SLC6A11: variants seen among roughly 807,000 people sequenced by gnomAD.
The protein encoded by SLC6A11 is sodium- and chloride-dependent GABA transporter 3.
SLC6A11 carries 25 observed loss-of-function variants against 74.8 expected under a neutral mutation model. The observed-to-expected ratio is 0.33, with a 90% CI of 0.24 to 0.47. The LOEUF (loss-of-function observed/expected upper bound fraction) is 0.47, where lower values mean the gene tolerates loss of function less well. Ranked by LOEUF, SLC6A11 falls within the 20% of genes least tolerant of loss-of-function variation. The pLI, the probability that SLC6A11 is intolerant of heterozygous loss-of-function variation, is 1.00. For synonymous variants in SLC6A11, 330 were observed against 330.2 expected (o/e 1.00, Z 0.01); for missense variants, 574 against 837.0 (o/e 0.69, Z 3.88).
chr3:10,859,093 C>T (rs1694672327), intron 5 of SLC6A11, among the ~76,000 whole-genome samples: 1 of 152,116 alleles, frequency 6.6e-6, no homozygotes, highest in Non-Finnish European at 1.5e-5. Context: ...GATTCTATGA[C>T]CAAGCTTTAT....
In SLC6A11 at chr3:10,816,929, G is replaced by T. The variant is rs939141070; in HGVS notation, c.256+408G>T. Among the ~76,000 whole-genome samples the T allele has an allele frequency of 6.6e-6, 1 of 152,210 alleles. No homozygotes were observed. The highest frequency in any genetic ancestry group is 6.5e-5 in the Admixed American group (1 of 15,284). On this transcript the variant is annotated intron_variant, in intron 1 of 13. Coordinates refer to ENST00000254488, the MANE Select transcript of SLC6A11 (RefSeq NM_014229.3). The surrounding 1 kb of genome is among the most constrained non-coding windows in gnomAD (Gnocchi z 4.2). Reference sequence around the variant, plus strand: ...ATCAAAGTGGTCTCAGTTTTTGCGCGCTTACTGAAGTGCCGAGCACCTTTG... The same window carrying T: ...ATCAAAGTGGTCTCAGTTTTTGCGCTCTTACTGAAGTGCCGAGCACCTTTG...
intron 5 of SLC6A11, among the ~76,000 whole-genome samples, chr3:10,873,998 CTATGCTAT>C (rs1559567301): frequency 9.9e-5 from 15 of 152,050 alleles, no homozygotes; most frequent in Non-Finnish European, 1.6e-4. Context: ...CTACGCTATG[CTATGCTAT>C]GCTATGCTAT....
intron 8 of SLC6A11, among the ~76,000 whole-genome samples, chr3:10,920,356 G>A (rs1038569276): frequency 6.6e-6 from 1 of 152,162 alleles, no homozygotes; most frequent in Non-Finnish European, 1.5e-5. Flanking sequence ...ATCCCGCTAG[G>A]ATTTTTCATA....
At chr3:10,865,488 C>G (rs774357128) in intron 5 of SLC6A11, among the ~76,000 whole-genome samples, 3 of 152,126 alleles carry the variant, frequency 2.0e-5, no homozygotes, top group Non-Finnish European at 4.4e-5. Flanking sequence ...ACGGTGAAAC[C>G]CCGTCTCTAC....
At chr3:10,847,632 G>T (rs1288548771) in intron 5 of SLC6A11, among the ~76,000 whole-genome samples, 1 of 152,186 alleles carries the variant, frequency 6.6e-6, no homozygotes, top group Non-Finnish European at 1.5e-5. Flanking sequence ...CAGGCCAGGA[G>T]TGAGAGCCTG....
intron 10 of SLC6A11, among the ~76,000 whole-genome samples, chr3:10,929,961 G>C (rs1189727029): frequency 6.6e-6 from 1 of 151,998 alleles, no homozygotes; most frequent in Non-Finnish European, 1.5e-5. Context: ...TATGTATCTT[G>C]GGAAGGTAAC....
chr3:10,931,359 T>C (rs1404675269), intron 10 of SLC6A11, among the ~76,000 whole-genome samples: 1 of 152,104 alleles, frequency 6.6e-6, no homozygotes, highest in Non-Finnish European at 1.5e-5. Context: ...TGTTCCTTTG[T>C]AGAGTATGAT....
At chr3:10,912,651 C>G (rs947302439) in intron 7 of SLC6A11, among the ~76,000 whole-genome samples, 1 of 152,250 alleles carries the variant, frequency 6.6e-6, no homozygotes, top group Admixed American at 6.5e-5. Context: ...ACATGTCTCT[C>G]TGGCCTCCTG....
chr3:10,936,044 C>T (rs1404033424), intron 13 of SLC6A11, among the ~76,000 whole-genome samples: 1 of 152,150 alleles, frequency 6.6e-6, no homozygotes, highest in African/African-American at 2.4e-5. Flanking sequence ...CCATCTTACT[C>T]CAGAGCGGCA....
Position 10,816,649 on chromosome 3 carries a change from A to G in SLC6A11, c.256+128A>G. Reference sequence around the variant, plus strand: ...AACCCGAGCGGAGAACCTCGACTCCAGGCACCTCGCGTGTGAGCTCGCCCC... The same window carrying G: ...AACCCGAGCGGAGAACCTCGACTCCGGGCACCTCGCGTGTGAGCTCGCCCC... On this transcript the variant is annotated intron_variant, in intron 1 of 13. Transcript: ENST00000254488. The surrounding 1 kb of genome is among the most constrained non-coding windows in gnomAD (Gnocchi z 4.2). 6.9e-6 allele frequency: 7 copies of G among 1,013,282 alleles called. No homozygotes were observed. Among genetic ancestry groups the G allele is most frequent in the Non-Finnish European group, 6.9e-6 (5 of 727,872 alleles). 62.8% of individuals were successfully genotyped at this position (1,013,282 alleles called of 1,614,324 possible). A position where few individuals can be genotyped will look rare whatever the true frequency, so the allele number is the denominator to read the frequency against.
rs745350953 is a variant in SLC6A11, at chr3:10,938,360, C to T, written c.1857C>T (p.Asp619=). 17 of 1,611,398 alleles carry T rather than the reference C, an allele frequency of 1.1e-5. No individual in the cohort carries two copies. The highest frequency in any genetic ancestry group is 3.3e-4 in the Middle Eastern group (2 of 6,058). Residue 619 remains aspartate, a synonymous_variant, in exon 14 of 14, where the codon GAC becomes GAT. Coordinates refer to ENST00000254488, the MANE Select transcript of SLC6A11 (RefSeq NM_014229.3). ...ACTGTGATGCCAAACTCAAGAGTGA[C>T]GGGACCATCGCAGCCATCACAGAGA... ...VNDCDAKLKS[D]GTIAAITEKE...
intron 6 of SLC6A11, among the ~76,000 whole-genome samples, chr3:10,885,219 C>G (rs909731455): frequency 6.6e-6 from 1 of 152,110 alleles, no homozygotes; most frequent in African/African-American, 2.4e-5. Context: ...TCTTTAAAAT[C>G]TTTTATACTA....
chr3:10,915,112 G>A lies in SLC6A11; in HGVS notation c.995+2919G>A, dbSNP rs751182706. Among the ~76,000 whole-genome samples, 1 of 152,220 alleles carries A rather than the reference G, an allele frequency of 6.6e-6. No individual in the cohort carries two copies. Among genetic ancestry groups the A allele is most frequent in the South Asian group, 2.1e-4 (1 of 4,832 alleles). On this transcript the variant is annotated intron_variant, in intron 7 of 13. Coordinates refer to ENST00000254488, the MANE Select transcript of SLC6A11 (RefSeq NM_014229.3). This position sits in a 1 kb window ranked among gnomAD's most constrained non-coding sequence, Gnocchi z 4.3. ...CTGTTCACATTGCCACAGATGGAGC[G>A]TGGCTTTTCACCTGAGTCTTCCTGG...
In SLC6A11 at chr3:10,816,419, C is replaced by G; in HGVS notation, c.154C>G (p.His52Asp). 6.3e-7 allele frequency: 1 copy of G among 1,599,474 alleles called. No individual in the cohort carries two copies. Among genetic ancestry groups the G allele is most frequent in the Non-Finnish European group, 8.5e-7 (1 of 1,173,724 alleles). The change falls in exon 1 of 14, where the codon CAC (histidine) becomes GAC (aspartate). Residue 52 changes from histidine (H) to aspartate (D), a missense_variant. Around this residue, in one of 4 missense-constraint regions of SLC6A11, gnomAD observed 86 missense variants for 87.4 expected, o/e 0.98. Coordinates refer to ENST00000254488, the MANE Select transcript of SLC6A11 (RefSeq NM_014229.3). This position sits in a 1 kb window ranked among gnomAD's most constrained non-coding sequence, Gnocchi z 4.2. ...CGACAAGGCGGTCCACGAGCGCGGC[C>G]ACTGGAACAACAAGGTGGAGTTCGT... The part of the protein sequence containing the change: ...KRDKAVHERG[H>D]WNNKVEFVLS...
intron 5 of SLC6A11, among the ~76,000 whole-genome samples, chr3:10,869,378 A>T (rs1276321600): frequency 6.6e-6 from 1 of 152,118 alleles, no homozygotes; most frequent in African/African-American, 2.4e-5. Context: ...TAAATGGACC[A>T]CTCTGAGCCT....
At position 10,926,295 on chromosome 3, in the gene SLC6A11, C is replaced by T. The variant is rs1443104002; in HGVS notation, c.1233+179C>T. Among the ~76,000 whole-genome samples, 1 of 152,008 alleles carries T rather than the reference C, an allele frequency of 6.6e-6. No homozygotes were observed. The highest frequency in any genetic ancestry group is 2.4e-5 in the African/African-American group (1 of 41,378). On this transcript the variant is annotated intron_variant, in intron 9 of 13. Transcript: ENST00000254488. This position sits in a 1 kb window ranked among gnomAD's most constrained non-coding sequence, Gnocchi z 5.7. The stretch of plus-strand genomic sequence containing the variant: ...TCCCTCCCAGCAACTCTTGCACCCC[C>T]GCCATCCACCAGGTGGGCTCTACAC...
At chr3:10,921,499 C>A (rs758436241) in intron 8 of SLC6A11, among the ~76,000 whole-genome samples, 2 of 152,038 alleles carry the variant, frequency 1.3e-5, no homozygotes, top group Non-Finnish European at 2.9e-5. Flanking sequence ...GTAGATGAAA[C>A]AAAATTGAAA....
At chr3:10,854,618 C>T (rs947396416) in intron 5 of SLC6A11, among the ~76,000 whole-genome samples, 3 of 152,116 alleles carry the variant, frequency 2.0e-5, no homozygotes, top group Admixed American at 6.5e-5. Flanking sequence ...ATCCCCCTCC[C>T]GCCTTTTATA....
chr3:10,938,525 A>G lies in SLC6A11; in HGVS notation c.*123A>G. 1 of 1,072,164 alleles carries G rather than the reference A, an allele frequency of 9.3e-7. No homozygotes were observed. The highest frequency in any genetic ancestry group is 1.3e-6 in the Non-Finnish European group (1 of 763,124). The allele number at this position is 1,072,164 out of a possible 1,614,324, so 66.4% of individuals were successfully genotyped here. A position where few individuals can be genotyped will look rare whatever the true frequency, so the allele number is the denominator to read the frequency against. On this transcript the variant is annotated 3_prime_UTR_variant, in exon 14 of 14. Coordinates refer to ENST00000254488, the MANE Select transcript of SLC6A11 (RefSeq NM_014229.3). Reference sequence around the variant, plus strand: ...TTGTTTTGCACAGGATTAATTAACAAGTTAATTTTAAGGTGGCCACTGTAC... The same window carrying G: ...TTGTTTTGCACAGGATTAATTAACAGGTTAATTTTAAGGTGGCCACTGTAC...
Sources: gnomAD v4.1 joint callset for allele counts (sites outside exome capture counted in the v4.1 genomes callset) on GRCh38, gnomAD v4.1.1 for gene constraint, gnomAD v4.1.1 regional missense constraint, Gnocchi (gnomAD v3.1) non-coding constraint, MANE v1.5 for transcripts, NCBI Gene and HGNC (gene_info 2026-07-23, HGNC 2026-07-21) for gene names.